RIMS2: variants seen among roughly 807,000 people sequenced by gnomAD.
RIMS2 encodes regulating synaptic membrane exocytosis 2, also known as regulating synaptic membrane exocytosis protein 2.
A neutral mutation model predicts 174.4 loss-of-function variants in RIMS2; 59 were observed. The ratio of observed to expected loss-of-function variants is 0.34; its 90% CI spans 0.27 to 0.42. The LOEUF (loss-of-function observed/expected upper bound fraction) is 0.42. RIMS2 is among the 10% of genes least tolerant of loss of function. RIMS2 has a pLI of 1.00. For synonymous variants in RIMS2, 606 were observed against 572.5 expected, an observed-to-expected ratio of 1.06 and a Z score of -0.84; for missense variants, 1,620 against 1,666.3, an observed-to-expected ratio of 0.97 and a Z score of 0.48.
chr8:103,528,312 T>C (rs1380783207), intron 1 of RIMS2, among the ~76,000 whole-genome samples: 1 of 152,150 alleles, frequency 6.6e-6, no homozygotes, highest in East Asian at 1.9e-4. Flanking sequence ...GATCAGTAGA[T>C]TGCAAAAATT....
intron 3 of RIMS2, among the ~76,000 whole-genome samples, chr8:103,793,098 C>G (rs1183132155): frequency 6.6e-6 from 1 of 152,164 alleles, no homozygotes; most frequent in Admixed American, 6.5e-5. Context: ...CAGCATCATT[C>G]TGATACCAAA....
At chr8:103,850,203 T>C (rs2098989979) in intron 3 of RIMS2, among the ~76,000 whole-genome samples, 1 of 152,068 alleles carries the variant, frequency 6.6e-6, no homozygotes, top group African/African-American at 2.4e-5. Flanking sequence ...TGTTTAAATA[T>C]AGTCATTCAA....
At chr8:104,090,957 C>A (rs1566310175) in intron 19 of RIMS2, among the ~76,000 whole-genome samples, 1 of 151,590 alleles carries the variant, frequency 6.6e-6, no homozygotes, top group Non-Finnish European at 1.5e-5. Context: ...ACTGTTTAAT[C>A]ATCATCATCA....
rs75550385 is a variant in RIMS2, at chr8:104,103,128, G to A, written c.3334+88513G>A. Reference sequence around the variant, plus strand: ...ACTTACGCTAAGTAAAAGAAGAAAGGCACAAAAGGCCATATATTGTATTAT... The same window carrying A: ...ACTTACGCTAAGTAAAAGAAGAAAGACACAAAAGGCCATATATTGTATTAT... On this transcript the variant is annotated intron_variant, in intron 19 of 23. Coordinates refer to ENST00000504942, the Ensembl canonical transcript of RIMS2. Among the ~76,000 whole-genome samples, 158 of 152,082 alleles carry A rather than the reference G, an allele frequency of 1.0e-3. 1 individual carries two copies. In the East Asian group the frequency reaches 0.021, roughly 20 times the overall value.
At chr8:103,604,453 T>C (rs1385663976) in intron 1 of RIMS2, among the ~76,000 whole-genome samples, 1 of 152,148 alleles carries the variant, frequency 6.6e-6, no homozygotes, top group Non-Finnish European at 1.5e-5. Flanking sequence ...GCTTTGTTCT[T>C]TTGGCTTAGG....
At chr8:104,033,095 TA>T (rs2096435825) in intron 19 of RIMS2, among the ~76,000 whole-genome samples, 1 of 152,010 alleles carries the variant, frequency 6.6e-6, no homozygotes, top group African/African-American at 2.4e-5. Flanking sequence ...ATCTATGAAT[TA>T]TTTTTTAGTA....
chr8:104,054,234 T>C (rs1448785263), intron 19 of RIMS2, among the ~76,000 whole-genome samples: 1 of 152,136 alleles, frequency 6.6e-6, no homozygotes, highest in Admixed American at 6.6e-5. Context: ...TTATGAGATT[T>C]TCCTATTCAT....
At chr8:103,820,869 G>A (rs3107464) in intron 3 of RIMS2, among the ~76,000 whole-genome samples, 115,340 of 151,128 alleles carry the variant, frequency 0.76, 44,131 homozygotes, top group East Asian at 0.88. Context: ...TTTTTAAAGT[G>A]ATACATCACT....
chr8:104,072,652 A>C (rs2097215009), intron 19 of RIMS2, among the ~76,000 whole-genome samples: 1 of 152,044 alleles, frequency 6.6e-6, no homozygotes, highest in Non-Finnish European at 1.5e-5. Flanking sequence ...TTGTTAGCCT[A>C]GGTTTTTTTT....
intron 1 of RIMS2, among the ~76,000 whole-genome samples, chr8:103,587,116 C>T (rs1184214343): frequency 6.6e-6 from 1 of 151,794 alleles, no homozygotes; most frequent in African/African-American, 2.4e-5. Context: ...AAGAAATGGA[C>T]AAATTTCTAG....
intron 19 of RIMS2, among the ~76,000 whole-genome samples, chr8:104,119,720 G>A (rs1466732148): frequency 6.6e-6 from 1 of 152,140 alleles, no homozygotes; most frequent in Non-Finnish European, 1.5e-5. Context: ...CAGGGTCTAT[G>A]AATCAAGTAC....
intron 1 of RIMS2, among the ~76,000 whole-genome samples, chr8:103,597,866 A>T (rs1232203084): frequency 6.7e-6 from 1 of 149,716 alleles, no homozygotes; most frequent in Non-Finnish European, 1.5e-5. Flanking sequence ...GAATAAAACT[A>T]TTAATTAAGA....
chr8:103,604,390 T>TAA (rs1358728707), intron 1 of RIMS2, among the ~76,000 whole-genome samples: 1 of 152,166 alleles, frequency 6.6e-6, no homozygotes, highest in Admixed American at 6.5e-5. Flanking sequence ...CATGCTGTTT[T>TAA]GGTTACTATA....
chr8:103,856,856 G>C (rs2099030254), intron 3 of RIMS2, among the ~76,000 whole-genome samples: 1 of 151,700 alleles, frequency 6.6e-6, no homozygotes, highest in Non-Finnish European at 1.5e-5. Context: ...GCCCAGGCTG[G>C]AGTGCAGTGG....
At chr8:104,186,524 GAT>G (rs1779750082) in intron 19 of RIMS2, among the ~76,000 whole-genome samples, 1 of 151,708 alleles carries the variant, frequency 6.6e-6, no homozygotes, top group Admixed American at 6.6e-5. Context: ...CAGGGTAGAG[GAT>G]ACAGTGTGCA....
chr8:103,531,050 A>G (rs1258744417), intron 1 of RIMS2, among the ~76,000 whole-genome samples: 3 of 151,054 alleles, frequency 2.0e-5, no homozygotes, highest in Non-Finnish European at 4.4e-5. Context: ...ACACATAGGC[A>G]AAACAAGATT....
intron 2 of RIMS2, among the ~76,000 whole-genome samples, chr8:103,754,010 A>T (rs978932119): frequency 6.6e-6 from 1 of 151,900 alleles, no homozygotes; most frequent in Non-Finnish European, 1.5e-5. Context: ...AGTTCTTTTA[A>T]TTGTGATGTT....
intron 4 of RIMS2, among the ~76,000 whole-genome samples, chr8:103,892,714 A>G (rs1210238588): frequency 6.6e-6 from 1 of 151,970 alleles, no homozygotes; most frequent in Non-Finnish European, 1.5e-5. Flanking sequence ...CTTTGTTGCT[A>G]TATTAGGCAT....
chr8:103,836,496 C>T (rs773903669), intron 3 of RIMS2, among the ~76,000 whole-genome samples: 3 of 152,134 alleles, frequency 2.0e-5, no homozygotes, highest in South Asian at 2.1e-4. Context: ...AAGAGTTGAA[C>T]GCTGCAGTGA....
Sources: allele counts gnomAD v4.1 joint callset (sites outside exome capture counted in the v4.1 genomes callset), GRCh38; gene constraint gnomAD v4.1.1; transcripts MANE v1.5; gene names NCBI Gene and HGNC (gene_info 2026-07-23, HGNC 2026-07-21).